NAALADL2: variants seen among roughly 807,000 people sequenced by gnomAD.
The protein encoded by NAALADL2 is N-acetylated alpha-linked acidic dipeptidase like 2.
NAALADL2 carries 76 observed loss-of-function variants against 87.2 expected under a neutral mutation model. The ratio of observed to expected loss-of-function variants is 0.87; its 90% CI spans 0.72 to 1.05. The LOEUF (loss-of-function observed/expected upper bound fraction) is 1.05, where lower values mean the gene tolerates loss of function less well. Among genes scored for constraint, NAALADL2 ranks in the 50% least tolerant of loss-of-function variants. The pLI is 0.00. For missense variants in NAALADL2, 1,089 were observed against 945.8 expected, an observed-to-expected ratio of 1.15 and a Z score of -1.99; for synonymous variants, 354 against 331.0, an observed-to-expected ratio of 1.07 and a Z score of -0.75.
intron 4 of NAALADL2, among the ~76,000 whole-genome samples, chr3:175,281,726 G>A (rs961097177): frequency 1.4e-4 from 21 of 151,740 alleles, no homozygotes; most frequent in African/African-American, 5.1e-4. Flanking sequence ...ATTTATACTT[G>A]TGAATATTTC....
At chr3:174,592,050 A>T (rs909885137) in intron 2 of NAALADL2, among the ~76,000 whole-genome samples, 1 of 152,100 alleles carries the variant, frequency 6.6e-6, no homozygotes, top group African/African-American at 2.4e-5. Context: ...AGTTTTTTTT[A>T]AATGACATTT....
chr3:174,975,826 A>G (rs1420030546), intron 1 of NAALADL2, among the ~76,000 whole-genome samples: 1 of 152,206 alleles, frequency 6.6e-6, no homozygotes, highest in Admixed American at 6.5e-5. Flanking sequence ...CCTCAGTCCT[A>G]CAACCACAAG....
intron 2 of NAALADL2, among the ~76,000 whole-genome samples, chr3:175,230,372 G>T (rs1422500695): frequency 1.3e-5 from 2 of 151,956 alleles, no homozygotes. Context: ...AAAAAGAGAA[G>T]ACAAAAACTA....
chr3:174,619,581 G>T (rs774771372), intron 2 of NAALADL2, among the ~76,000 whole-genome samples: 8 of 151,936 alleles, frequency 5.3e-5, no homozygotes, highest in Non-Finnish European at 1.2e-4. Context: ...TTCAAGCCAT[G>T]AAATGAAGGG....
intron 1 of NAALADL2, among the ~76,000 whole-genome samples, chr3:175,037,661 C>A (rs1256238454): frequency 6.6e-6 from 1 of 152,150 alleles, no homozygotes; most frequent in Admixed American, 6.5e-5. Context: ...ACCTGGAGTT[C>A]TCTGTCTAAA....
chr3:175,488,335 C>A (rs1233898231), intron 9 of NAALADL2, among the ~76,000 whole-genome samples: 1 of 152,136 alleles, frequency 6.6e-6, no homozygotes, highest in East Asian at 1.9e-4. Flanking sequence ...AACATGTAGA[C>A]AATATGATGA....
intron 2 of NAALADL2, among the ~76,000 whole-genome samples, chr3:174,720,151 C>T (rs1731571181): frequency 6.6e-6 from 1 of 152,040 alleles, no homozygotes; most frequent in Admixed American, 6.6e-5. Flanking sequence ...TTATGAAAGA[C>T]AATCCAGTTT....
intron 11 of NAALADL2, among the ~76,000 whole-genome samples, chr3:175,698,667 A>G (rs1738540937): frequency 6.6e-6 from 1 of 151,414 alleles, no homozygotes; most frequent in African/African-American, 2.4e-5. Context: ...ATAAATAAGT[A>G]GAATTTAGAA....
intron 1 of NAALADL2, among the ~76,000 whole-genome samples, 158 bp from the exon 2 acceptor site, chr3:175,096,630 TAA>T (rs980516854): frequency 1.3e-5 from 2 of 152,008 alleles, no homozygotes; most frequent in Admixed American, 6.6e-5. Flanking sequence ...CAGAAAATTA[TAA>T]GATTAATTAA....
chr3:175,092,820 T>A (rs914108843), intron 1 of NAALADL2, among the ~76,000 whole-genome samples: 1 of 151,922 alleles, frequency 6.6e-6, no homozygotes, highest in African/African-American at 2.4e-5. Flanking sequence ...TGGACTTTGG[T>A]TGTAGGACTG....
At chr3:175,768,586 G>A (rs981679260) in intron 13 of NAALADL2, among the ~76,000 whole-genome samples, 4 of 151,916 alleles carry the variant, frequency 2.6e-5, no homozygotes, top group Admixed American at 6.6e-5. Context: ...AAAGTGGCTC[G>A]CGCCTGTAAT....
At chr3:175,599,608 T>G (rs755498783) in intron 10 of NAALADL2, among the ~76,000 whole-genome samples, 32 of 152,110 alleles carry the variant, frequency 2.1e-4, no homozygotes, top group Non-Finnish European at 3.7e-4. Context: ...GTGTTAACAT[T>G]CAGGCTTCTT....
chr3:174,748,693 C>A (rs757331287), intron 3 of NAALADL2, among the ~76,000 whole-genome samples: 1 of 152,090 alleles, frequency 6.6e-6, no homozygotes, highest in Non-Finnish European at 1.5e-5. Context: ...ATATGAAACT[C>A]AATTTTTGAT....
intron 1 of NAALADL2, among the ~76,000 whole-genome samples, chr3:174,878,393 C>G (rs550594683): frequency 1.3e-5 from 2 of 152,016 alleles, no homozygotes; most frequent in East Asian, 1.9e-4. Context: ...TGTCTTCTGA[C>G]AAAATGTATG....
chr3:174,785,626 T>C lies in NAALADL2; in HGVS notation c.-9+47880T>C, dbSNP rs549751999. Reference sequence around the variant, plus strand: ...GTCTATTTGGGCTCTTTTTTGTCACTGTTTTGGTCCTGTGACTATTACACG... The same window carrying C: ...GTCTATTTGGGCTCTTTTTTGTCACCGTTTTGGTCCTGTGACTATTACACG... On this transcript the variant is annotated intron_variant, in intron 3 of 3. Coordinates refer to the NAALADL2 transcript ENST00000434257. 2.0e-5 allele frequency among the ~76,000 whole-genome samples: 3 copies of C among 152,332 alleles called. No individual in the cohort carries two copies. The South Asian group carries it at 6.2e-4, about 32-fold the overall frequency.
intron 13 of NAALADL2, chr3:175,775,192 A>G (rs1750061655): frequency 6.6e-6 from 1 of 151,678 alleles, no homozygotes; most frequent in African/African-American, 2.4e-5. Context: ...AGAAGCGGGA[A>G]GATGTAAAAA....
intron 1 of NAALADL2, among the ~76,000 whole-genome samples, chr3:175,094,139 TAGAG>T (rs1720689748): frequency 1.3e-5 from 2 of 151,870 alleles, no homozygotes; most frequent in Non-Finnish European, 2.9e-5. Context: ...AAAAAACCTT[TAGAG>T]AGAGAGACTC....
upstream of NAALADL2, among the ~76,000 whole-genome samples, chr3:174,854,487 T>A (rs1033024324): frequency 2.6e-5 from 4 of 152,142 alleles, no homozygotes; most frequent in African/African-American, 9.6e-5. Context: ...AGGGTGACAA[T>A]GGTTAACAGT....
At chr3:175,229,993 C>T (rs1349836284) in intron 2 of NAALADL2, among the ~76,000 whole-genome samples, 1 of 151,850 alleles carries the variant, frequency 6.6e-6, no homozygotes, top group Non-Finnish European at 1.5e-5. Flanking sequence ...AAGAAAAAGA[C>T]AAATGGAATT....
Sources: allele counts gnomAD v4.1 joint callset (sites outside exome capture counted in the v4.1 genomes callset), GRCh38; gene constraint gnomAD v4.1.1; transcripts MANE v1.5; gene names NCBI Gene and HGNC (gene_info 2026-07-23, HGNC 2026-07-21).